Variants in RUNX1T1 observed in about 807,000 individuals in gnomAD.
RUNX1T1 encodes the protein protein CBFA2T1.
In RUNX1T1, 4 loss-of-function variants were observed where a neutral mutation model predicts 62.8. The ratio of observed to expected loss-of-function variants is 0.06; its 90% confidence interval spans 0.03 to 0.15. RUNX1T1 has a LOEUF of 0.15. RUNX1T1 is among the 10% of genes least tolerant of loss of function. The probability of loss-of-function intolerance (pLI) is 1.00; values close to 1 mark genes in which losing one functional copy is unlikely to be tolerated. For missense variants in RUNX1T1, 508 were observed against 754.3 expected, an observed-to-expected ratio of 0.67 and a Z score of 3.82; for synonymous variants, 291 against 286.0, an observed-to-expected ratio of 1.02 and a Z score of -0.18.
chr8:91,979,886 G>C, intron 8 of RUNX1T1: 1 of 530,802 alleles, frequency 1.9e-6, no homozygotes, highest in Non-Finnish European at 3.7e-6. Context: ...TATGACCCAG[G>C]ACAGCAATGC....
intron 1 of RUNX1T1, among the ~76,000 whole-genome samples, chr8:92,053,897 G>C (rs1191961274): frequency 6.6e-6 from 1 of 152,138 alleles, no homozygotes; most frequent in Non-Finnish European, 1.5e-5. Flanking sequence ...GCTTTATCAA[G>C]GGGAGTTGAT....
At chr8:92,084,703 T>A (rs1430797393) in intron 1 of RUNX1T1, among the ~76,000 whole-genome samples, 1 of 152,110 alleles carries the variant, frequency 6.6e-6, no homozygotes, top group East Asian at 1.9e-4. Flanking sequence ...CATGAAAGTG[T>A]CACCAGAGGC....
chr8:92,047,097 T>G (rs1379722407), intron 1 of RUNX1T1, among the ~76,000 whole-genome samples: 2 of 152,126 alleles, frequency 1.3e-5, no homozygotes, highest in Non-Finnish European at 2.9e-5. Flanking sequence ...ACAATGGCCT[T>G]CAAGAACCCT....
At chr8:92,026,352 G>T (rs1825140492) in intron 1 of RUNX1T1, among the ~76,000 whole-genome samples, 1 of 152,174 alleles carries the variant, frequency 6.6e-6, no homozygotes, top group South Asian at 2.1e-4. Flanking sequence ...TATAAAAAAG[G>T]AACTGAGGCT....
At chr8:92,082,042 C>T (rs909356929) in intron 1 of RUNX1T1, among the ~76,000 whole-genome samples, 8 of 152,050 alleles carry the variant, frequency 5.3e-5, no homozygotes, top group African/African-American at 1.7e-4. Context: ...CCTGCCACCA[C>T]GCCCGGCTAA....
At chr8:91,960,042 G>A (rs1281353482) in exon 11 of RUNX1T1, 2 of 601,368 alleles carry the variant, frequency 3.3e-6, no homozygotes, top group Non-Finnish European at 5.9e-6. Flanking sequence ...TCCACAATAA[G>A]TCATTACGAC....
chr8:92,057,197 C>T (rs1375624243), intron 1 of RUNX1T1, among the ~76,000 whole-genome samples: 1 of 152,124 alleles, frequency 6.6e-6, no homozygotes, highest in Non-Finnish European at 1.5e-5. Flanking sequence ...GCAAAAAGAA[C>T]TCTACCTTCT....
chr8:92,053,526 A>G (rs1830550366), intron 1 of RUNX1T1, among the ~76,000 whole-genome samples: 1 of 152,216 alleles, frequency 6.6e-6, no homozygotes, highest in African/African-American at 2.4e-5. Context: ...GTTGCATTAT[A>G]CTTTCAGTAA....
At chr8:92,096,980 C>T (rs536384093) in intron 1 of RUNX1T1, among the ~76,000 whole-genome samples, 1 of 152,182 alleles carries the variant, frequency 6.6e-6, no homozygotes, top group Admixed American at 6.5e-5. Flanking sequence ...TCTCCCCCAC[C>T]CCACCCAAAC....
intron 1 of RUNX1T1, among the ~76,000 whole-genome samples, chr8:92,053,880 A>T (rs1376038907): frequency 6.6e-6 from 1 of 152,124 alleles, no homozygotes; most frequent in Non-Finnish European, 1.5e-5. Context: ...TCTGAACATA[A>T]ATGGCAGCTT....
At chr8:91,965,152 G>C (rs143082430) in intron 10 of RUNX1T1, among the ~76,000 whole-genome samples, 85 of 152,256 alleles carry the variant, frequency 5.6e-4, no homozygotes, top group Middle Eastern at 3.4e-3. Context: ...AAGGCTGATG[G>C]TCCCATTCAA....
chr8:92,047,038 C>T (rs1829516033), intron 1 of RUNX1T1, among the ~76,000 whole-genome samples: 1 of 152,150 alleles, frequency 6.6e-6, no homozygotes, highest in Admixed American at 6.5e-5. Flanking sequence ...AAGCGCTGGG[C>T]AGCGGGTATG....
intron 1 of RUNX1T1, among the ~76,000 whole-genome samples, chr8:92,037,984 A>G (rs1563818344): frequency 6.6e-6 from 1 of 152,050 alleles, no homozygotes; most frequent in Admixed American, 6.6e-5. Context: ...TGACCATCCT[A>G]TCTCATGGAG....
chr8:92,081,845 T>C (rs905267230), intron 1 of RUNX1T1, among the ~76,000 whole-genome samples: 9 of 152,102 alleles, frequency 5.9e-5, no homozygotes, highest in Non-Finnish European at 1.3e-4. Context: ...CCTCCCTTTG[T>C]CTCTTGTCTC....
At chr8:92,030,190 C>G (rs980257454) in intron 1 of RUNX1T1, among the ~76,000 whole-genome samples, 13 of 152,142 alleles carry the variant, frequency 8.5e-5, no homozygotes, top group Admixed American at 5.2e-4. Flanking sequence ...CTTGACCTCT[C>G]CCCTATCCTA....
intron 1 of RUNX1T1, among the ~76,000 whole-genome samples, chr8:92,022,248 T>C (rs1338166057): frequency 6.6e-6 from 1 of 152,092 alleles, no homozygotes; most frequent in Non-Finnish European, 1.5e-5. Context: ...TCAAATTTCA[T>C]GGTAAAAGAC....
chr8:92,009,532 C>T (rs1404157222), intron 4 of RUNX1T1: 5 of 151,372 alleles, frequency 3.3e-5, no homozygotes, highest in Admixed American at 6.6e-5. Flanking sequence ...TCCTTGTAAG[C>T]TTTTTAAATT....
chr8:92,013,041 C>T (rs1467357591), intron 3 of RUNX1T1, among the ~76,000 whole-genome samples: 1 of 151,694 alleles, frequency 6.6e-6, no homozygotes, highest in Non-Finnish European at 1.5e-5. Flanking sequence ...TAATAAAGAA[C>T]ATGTCAAATT....
chr8:92,103,264 C>G (rs1475066370), upstream of RUNX1T1: 1 of 236,080 alleles, frequency 4.2e-6, no homozygotes, highest in African/African-American at 2.2e-5. Flanking sequence ...CAGGCGGCGT[C>G]TGCGTCTCCC....
Sources: allele counts gnomAD v4.1 joint callset (sites outside exome capture counted in the v4.1 genomes callset), GRCh38; gene constraint gnomAD v4.1.1; transcripts MANE v1.5; gene names NCBI Gene and HGNC (gene_info 2026-07-23, HGNC 2026-07-21).